NKAIN3: variants seen among roughly 807,000 people sequenced by gnomAD.
NKAIN3 encodes the protein sodium/potassium-transporting ATPase subunit beta-1-interacting protein 3.
In NKAIN3, 25 loss-of-function variants were observed where a neutral mutation model predicts 30.2. The observed-to-expected ratio is 0.83, with a 90% CI of 0.60 to 1.16. The LOEUF is 1.16. Ranked by LOEUF, NKAIN3 falls within the 50% of genes most tolerant of loss-of-function variation. The pLI, the probability that NKAIN3 is intolerant of heterozygous loss-of-function variation, is 0.00. For missense variants in NKAIN3, 225 were observed against 254.1 expected, an observed-to-expected ratio of 0.89 and a Z score of 0.78; for synonymous variants, 91 against 89.6, an observed-to-expected ratio of 1.02 and a Z score of -0.09.
intron 3 of NKAIN3, among the ~76,000 whole-genome samples, chr8:62,715,268 G>A (rs900590173): frequency 1.3e-5 from 2 of 152,096 alleles, no homozygotes; most frequent in Admixed American, 6.6e-5. Flanking sequence ...GACATAAATC[G>A]AAACCATATC....
rs533078197 is a variant in NKAIN3, at chr8:62,484,371, TC to T, written c.55-95167del. ...GTATCTACTCATTTTTCACAATCATTCAGCTTGAAGGTCTGCATCCCATGAA... is the reference window on the plus strand; with the variant it reads ...GTATCTACTCATTTTTCACAATCATTAGCTTGAAGGTCTGCATCCCATGAA... On this transcript the variant is annotated intron_variant, in intron 1 of 6. Transcript: ENST00000623646. Among the ~76,000 whole-genome samples the T allele has an allele frequency of 7.2e-5, 11 of 152,348 alleles. No individual in the cohort carries two copies. The East Asian group carries it at 2.1e-3, about 29-fold the overall frequency.
chr8:62,625,108 A>C (rs988518463), intron 3 of NKAIN3, among the ~76,000 whole-genome samples: 6 of 152,094 alleles, frequency 3.9e-5, no homozygotes, highest in Admixed American at 1.3e-4. Context: ...TATGATGCTT[A>C]TTCAACCTCT....
At chr8:62,622,097 A>G (rs916831626) in intron 3 of NKAIN3, among the ~76,000 whole-genome samples, 4 of 152,038 alleles carry the variant, frequency 2.6e-5, no homozygotes, top group African/African-American at 9.7e-5. Context: ...ATAACTCTCC[A>G]TAATTCTTCT....
chr8:62,409,687 T>G (rs1804179563), intron 1 of NKAIN3, among the ~76,000 whole-genome samples: 3 of 152,094 alleles, frequency 2.0e-5, no homozygotes, highest in Admixed American at 6.5e-5. Flanking sequence ...ATCTTTAGGG[T>G]TTTTGTTTGT....
Position 62,248,866 on chromosome 8 carries a change from G to C in NKAIN3, c.-208G>C, listed in dbSNP as rs1811979135. On this transcript the variant is annotated 5_prime_UTR_variant, in exon 1 of 7. Coordinates refer to ENST00000623646, the MANE Select transcript of NKAIN3 (RefSeq NM_001304533.3). Reference sequence around the variant, plus strand: ...CGCAGGGACCCCCGCCAGACGCTCGGGTCGTGCGCACCGCACTGACCTCGG... The same window carrying C: ...CGCAGGGACCCCCGCCAGACGCTCGCGTCGTGCGCACCGCACTGACCTCGG... 4 of 525,152 alleles carry C rather than the reference G, an allele frequency of 7.6e-6. No homozygotes were observed. In the African/African-American group the frequency reaches 8.2e-5, roughly 11 times the overall value. The allele number at this position is 525,152 out of a possible 1,614,324, so 32.5% of individuals were successfully genotyped here. A position where few individuals can be genotyped will look rare whatever the true frequency, so the allele number is the denominator to read the frequency against.
At chr8:62,499,861 CTTTT>C (rs963140618) in intron 1 of NKAIN3, among the ~76,000 whole-genome samples, 5 of 150,914 alleles carry the variant, frequency 3.3e-5, no homozygotes, top group African/African-American at 1.2e-4. Flanking sequence ...TTCTCTCTTT[CTTTT>C]TTTTTCTTTT....
At chr8:62,343,897 A>T (rs976381029) in intron 1 of NKAIN3, among the ~76,000 whole-genome samples, 5 of 152,120 alleles carry the variant, frequency 3.3e-5, no homozygotes, top group Admixed American at 2.0e-4. Flanking sequence ...TAGAGATCAC[A>T]TTTTGATTCT....
At chr8:62,544,749 T>G (rs971780277) in intron 1 of NKAIN3, among the ~76,000 whole-genome samples, 1 of 152,130 alleles carries the variant, frequency 6.6e-6, no homozygotes, top group African/African-American at 2.4e-5. Context: ...CATGGGGCAC[T>G]GATTCCCCTT....
intron 1 of NKAIN3, among the ~76,000 whole-genome samples, chr8:62,513,113 C>G (rs1023294942): frequency 6.6e-6 from 1 of 151,926 alleles, no homozygotes; most frequent in Non-Finnish European, 1.5e-5. Context: ...ATATTTCCTC[C>G]AAACACAATT....
chr8:62,305,541 C>T lies in NKAIN3; in HGVS notation c.54+56414C>T, dbSNP rs947617759. On this transcript the variant is annotated intron_variant, in intron 1 of 6. Transcript: ENST00000623646. ...ATTGACAAATGCATTCCTAGAGAATCGCTATTTTTAAAACTCAAGTTTCAA... is the reference window on the plus strand; with the variant it reads ...ATTGACAAATGCATTCCTAGAGAATTGCTATTTTTAAAACTCAAGTTTCAA... Among the ~76,000 whole-genome samples the T allele has an allele frequency of 2.9e-4, 44 of 150,476 alleles. 3 individuals carry two copies. The highest frequency in any genetic ancestry group is 9.8e-4 in the African/African-American group (39 of 39,900).
At chr8:62,931,659 C>T (rs1437909708) in intron 5 of NKAIN3, among the ~76,000 whole-genome samples, 3 of 152,136 alleles carry the variant, frequency 2.0e-5, no homozygotes, top group African/African-American at 4.8e-5. Flanking sequence ...ATTTAAAGAG[C>T]TTTTCTTTAA....
intron 3 of NKAIN3, among the ~76,000 whole-genome samples, chr8:62,605,265 C>T (rs1811089294): frequency 6.6e-6 from 1 of 151,988 alleles, no homozygotes; most frequent in Admixed American, 6.6e-5. Context: ...GGATGTCAAC[C>T]ATGCATTAGA....
intron 5 of NKAIN3, among the ~76,000 whole-genome samples, chr8:62,997,841 C>T (rs1317226290): frequency 7.9e-5 from 12 of 151,634 alleles, no homozygotes; most frequent in South Asian, 4.2e-4. Flanking sequence ...AATGCAATAG[C>T]CCCCTCCTCC....
intron 1 of NKAIN3, among the ~76,000 whole-genome samples, chr8:62,402,280 T>G (rs1291485992): frequency 6.6e-6 from 1 of 152,150 alleles, no homozygotes; most frequent in Non-Finnish European, 1.5e-5. Context: ...CAGCTGGTGG[T>G]AAATGCTTCC....
chr8:62,966,319 A>G lies in NKAIN3; in HGVS notation c.*912A>G, dbSNP rs892535717. 11 of 984,034 alleles carry G rather than the reference A, an allele frequency of 1.1e-5. No individual in the cohort carries two copies. Among genetic ancestry groups the G allele is most frequent in the African/African-American group, 7.0e-5 (4 of 57,206 alleles). 61.0% of individuals were successfully genotyped at this position (984,034 alleles called of 1,614,324 possible). On this transcript the variant is annotated 3_prime_UTR_variant, in exon 7 of 7. Transcript: ENST00000623646. ...TAAAGGAGACATTCACGTGTGAGCAACATCAGCTTTTCTTTCTCCTACCCC... is the reference window on the plus strand; with the variant it reads ...TAAAGGAGACATTCACGTGTGAGCAGCATCAGCTTTTCTTTCTCCTACCCC...
chr8:62,506,873 T>C (rs1198930438), intron 1 of NKAIN3, among the ~76,000 whole-genome samples: 1 of 152,164 alleles, frequency 6.6e-6, no homozygotes, highest in Admixed American at 6.5e-5. Context: ...GAGATCCCTC[T>C]TCCCCTCTCT....
chr8:62,831,894 T>C (rs779831659), intron 4 of NKAIN3, among the ~76,000 whole-genome samples: 55 of 152,198 alleles, frequency 3.6e-4, no homozygotes, highest in Non-Finnish European at 7.4e-4. Context: ...ACAAAGCAAG[T>C]ATTGTCAAGG....
intron 1 of NKAIN3, among the ~76,000 whole-genome samples, chr8:62,347,023 A>T (rs911222168): frequency 6.6e-6 from 1 of 152,102 alleles, no homozygotes; most frequent in African/African-American, 2.4e-5. Context: ...GGTGGCATAC[A>T]TGTCTGAAGA....
chr8:62,338,603 T>C (rs113834992), intron 1 of NKAIN3, among the ~76,000 whole-genome samples: 2 of 151,810 alleles, frequency 1.3e-5, no homozygotes, highest in African/African-American at 4.8e-5. Flanking sequence ...GGTATATATA[T>C]AGAGAGAGGG....
Sources: gnomAD v4.1 joint callset for allele counts (sites outside exome capture counted in the v4.1 genomes callset) on GRCh38, gnomAD v4.1.1 for gene constraint, MANE v1.5 for transcripts, NCBI Gene and HGNC (gene_info 2026-07-23, HGNC 2026-07-21) for gene names.